ANXA2: variants seen among roughly 807,000 people sequenced by gnomAD.
ANXA2 encodes annexin A2, also known as annexin II.
ANXA2 carries 28 observed loss-of-function variants against 47.3 expected under a neutral mutation model. That is an observed-to-expected ratio of 0.59 (90% confidence interval 0.44 to 0.81). The LOEUF (loss-of-function observed/expected upper bound fraction) is 0.81. ANXA2 is among the 40% of genes least tolerant of loss of function. The pLI is 0.00. For synonymous variants in ANXA2, 172 were observed against 155.5 expected, an observed-to-expected ratio of 1.11 and a Z score of -0.79; for missense variants, 384 against 414.3, an observed-to-expected ratio of 0.93 and a Z score of 0.64.
intron 3 of ANXA2, among the ~76,000 whole-genome samples, chr15:60,372,195 A>G (rs2062719863): frequency 6.6e-6 from 1 of 152,154 alleles, no homozygotes; most frequent in Non-Finnish European, 1.5e-5. Context: ...AGTACCTACT[A>G]TGTTACAGGC....
At chr15:60,360,725 G>A (rs932759350) in intron 5 of ANXA2, among the ~76,000 whole-genome samples, 3 of 152,166 alleles carry the variant, frequency 2.0e-5, no homozygotes, top group African/African-American at 7.2e-5. Flanking sequence ...GCTGGTAACT[G>A]ACTTCTCAGC....
chr15:60,363,870 T>C lies in ANXA2; in HGVS notation c.243+559A>G, dbSNP rs1042943254. On this transcript the variant is annotated intron_variant, in intron 4 of 12. Coordinates refer to ENST00000451270, the MANE Select transcript of ANXA2 (RefSeq NM_004039.3). ...CTAAAATTAAATTAGAAACATCTTA[T>C]CAAGAACCAGCAGAAGTCATAAAGA... Among the ~76,000 whole-genome samples the C allele has an allele frequency of 5.9e-5, 9 of 152,310 alleles. No individual in the cohort carries two copies. The East Asian group carries it at 1.5e-3, about 26-fold the overall frequency.
In ANXA2 at chr15:60,351,889, G is replaced by T. The variant is rs560093970; in HGVS notation, c.683-70C>A. 19 of 1,041,562 alleles carry T rather than the reference G, an allele frequency of 1.8e-5. No homozygotes were observed. The African/African-American group carries it at 3.0e-4, about 16-fold the overall frequency. 64.5% of individuals were successfully genotyped at this position (1,041,562 alleles called of 1,614,324 possible). ...AAAGCTGTCAACGATCACCCACCTA[G>T]TTTTATGCACCATAATTTTTTTAAA... On this transcript the variant is annotated intron_variant, in intron 9 of 12. Transcript: ENST00000451270.
chr15:60,374,085 G>A (rs1033191455), intron 3 of ANXA2, among the ~76,000 whole-genome samples: 3 of 152,186 alleles, frequency 2.0e-5, no homozygotes, highest in African/African-American at 7.2e-5. Context: ...TTAGCTAAGT[G>A]CCTAAGAAGT....
At chr15:60,393,065 T>C in intron 1 of ANXA2, 4 of 1,287,694 alleles carry the variant, frequency 3.1e-6, no homozygotes, top group Non-Finnish European at 4.0e-6. Flanking sequence ...TTCTTCTCCT[T>C]GGTTTTATGG....
intron 1 of ANXA2, among the ~76,000 whole-genome samples, chr15:60,391,752 A>G (rs2063014289): frequency 6.6e-6 from 1 of 152,176 alleles, no homozygotes; most frequent in Admixed American, 6.5e-5. Context: ...TCATCACCGT[A>G]TAAAACTCAT....
intron 3 of ANXA2, among the ~76,000 whole-genome samples, chr15:60,368,565 TAAAAA>T (rs749300788): frequency 7.1e-6 from 1 of 140,330 alleles, no homozygotes; most frequent in African/African-American, 2.6e-5. Flanking sequence ...TACTGTTAAG[TAAAAA>T]AAAAAAAAGG....
chr15:60,390,637 A>G (rs1414617244), intron 1 of ANXA2: 1 of 266,490 alleles, frequency 3.8e-6, no homozygotes, highest in East Asian at 9.9e-5. Context: ...AACATTTTCA[A>G]CTGGGAGGAG....
chr15:60,385,912 A>T, intron 2 of ANXA2, 116 bp downstream of exon 2: 1 of 642,128 alleles, frequency 1.6e-6, no homozygotes, highest in East Asian at 2.8e-5. Context: ...GAACCAAATG[A>T]TGACTGTCTG....
At chr15:60,353,434 T>C (rs1018898980) in intron 8 of ANXA2, among the ~76,000 whole-genome samples, 1 of 152,220 alleles carries the variant, frequency 6.6e-6, no homozygotes, top group Non-Finnish European at 1.5e-5. Context: ...CTGATTGGTA[T>C]GCACAGCCAC....
intron 3 of ANXA2, 119 bp downstream of exon 3, chr15:60,382,223 C>T: frequency 2.8e-6 from 2 of 718,960 alleles, no homozygotes; most frequent in Non-Finnish European, 5.0e-6. Context: ...GGATCTACTC[C>T]ATTAAAGCTC....
At chr15:60,360,907 G>C (rs774194541) in intron 5 of ANXA2, 34 bp downstream of exon 5, 12 of 1,343,470 alleles carry the variant, frequency 8.9e-6, no homozygotes, top group Non-Finnish European at 1.3e-5. Flanking sequence ...ATTAATAGCA[G>C]ATTTGACAGA....
chr15:60,357,975 G>C (rs990045476), intron 5 of ANXA2, among the ~76,000 whole-genome samples: 1 of 151,966 alleles, frequency 6.6e-6, no homozygotes, highest in Non-Finnish European at 1.5e-5. Context: ...AACAATTCTC[G>C]CTAAAATAAA....
At chr15:60,356,821 A>G (rs1424955390) in intron 6 of ANXA2, among the ~76,000 whole-genome samples, 1 of 152,210 alleles carries the variant, frequency 6.6e-6, no homozygotes, top group African/African-American at 2.4e-5. Context: ...AACAGCGCCC[A>G]ATAAGTGGAA....
chr15:60,354,090 C>G (rs2062388307), intron 8 of ANXA2, 64 bp downstream of exon 8: 1 of 1,323,628 alleles, frequency 7.6e-7, no homozygotes, highest in Admixed American at 2.0e-5. Flanking sequence ...AGTTAAATTA[C>G]TATATAGACT....
chr15:60,376,238 C>T lies in ANXA2; in HGVS notation c.148+6104G>A, dbSNP rs764673646. Among the ~76,000 whole-genome samples, 38 of 152,082 alleles carry T rather than the reference C, an allele frequency of 2.5e-4. 1 individual carries two copies. The highest frequency in any genetic ancestry group is 4.1e-4 in the Non-Finnish European group (28 of 67,994). On this transcript the variant is annotated intron_variant, in intron 3 of 12. Transcript: ENST00000451270. ...ACTAAAAATGCAAAAAAAAATTAGC[C>T]GGGCATGGTGGCACATGCCTGTAAT...
At chr15:60,365,747 A>AT (rs2062585846) in intron 3 of ANXA2, among the ~76,000 whole-genome samples, 1 of 152,116 alleles carries the variant, frequency 6.6e-6, no homozygotes, top group Non-Finnish European at 1.5e-5. Flanking sequence ...TATGCTTGCT[A>AT]TCTTAACTGT....
At chr15:60,392,104 G>C (rs1334791644) in intron 1 of ANXA2, among the ~76,000 whole-genome samples, 2 of 152,092 alleles carry the variant, frequency 1.3e-5, no homozygotes, top group Non-Finnish European at 2.9e-5. Context: ...CCTCAAACTG[G>C]TTTAAAATCA....
intron 12 of ANXA2, 140 bp from the exon 13 acceptor site, chr15:60,347,829 A>G (rs1895792091): frequency 1.3e-6 from 1 of 757,320 alleles, no homozygotes; most frequent in Non-Finnish European, 2.1e-6. Context: ...GCCCTGATAC[A>G]AAGGCCTGGA....
Sources: gnomAD v4.1 joint callset for allele counts (sites outside exome capture counted in the v4.1 genomes callset) on GRCh38, gnomAD v4.1.1 for gene constraint, MANE v1.5 for transcripts, NCBI Gene and HGNC (gene_info 2026-07-23, HGNC 2026-07-21) for gene names.